The following CCDC126 variants were observed in gnomAD, a reference collection of about 807,000 sequenced individuals.
CCDC126 encodes the protein coiled-coil domain-containing protein 126.
CCDC126 carries 5 observed loss-of-function variants against 11.7 expected under a neutral mutation model. That is an observed-to-expected ratio of 0.43 (90% CI 0.22 to 0.90). The LOEUF is 0.90. Ranked by LOEUF, CCDC126 falls within the 40% of genes least tolerant of loss-of-function variation. CCDC126 has a pLI of 0.27. For missense variants in CCDC126, 150 were observed against 163.1 expected (o/e 0.92, Z 0.44); for synonymous variants, 60 against 61.9 (o/e 0.97, Z 0.14).
intron 3 of CCDC126, chr7:23,622,968 C>CTT (rs1228157804): frequency 0.05 from 4,573 of 91,652 alleles, 280 homozygotes; most frequent in African/African-American, 0.072. Context: ...TATGCTCACT[C>CTT]TTTTTTTTTT....
Position 23,613,401 on chromosome 7 carries a change from A to T in CCDC126, c.238+1848A>T, listed in dbSNP as rs563368381. The stretch of plus-strand genomic sequence containing the variant: ...AAAAAGGGCAGTTTTTTCTACTCCC[A>T]AAAGTCCTCAAATTTCCTGTTCTTT... On this transcript the variant is annotated intron_variant, in intron 3 of 3. Transcript: ENST00000307471. 8.5e-5 allele frequency among the ~76,000 whole-genome samples: 13 copies of T among 152,256 alleles called. No homozygotes were observed. In the South Asian group the frequency reaches 2.7e-3, roughly 32 times the overall value.
rs1001303273 is a variant in CCDC126 at position 23,644,404 on chromosome 7, A to G, written c.*1289A>G. On this transcript the variant is annotated 3_prime_UTR_variant, in exon 4 of 4. Transcript: ENST00000307471. ...CTATAGTAACTGCTTAAGTGCAGCT[A>G]GCTTCTAGATTTAGACTATATAGAA... The G allele has an allele frequency of 6.6e-6, 1 of 152,556 alleles. No homozygotes were observed. Among genetic ancestry groups the G allele is most frequent in the African/African-American group, 2.4e-5 (1 of 41,456 alleles). 9.5% of individuals were successfully genotyped at this position (152,556 alleles called of 1,614,324 possible). A position where few individuals can be genotyped will look rare whatever the true frequency, so the allele number is the denominator to read the frequency against.
At chr7:23,634,713 G>C (rs1357147880) in intron 3 of CCDC126, among the ~76,000 whole-genome samples, 2 of 152,184 alleles carry the variant, frequency 1.3e-5, no homozygotes, top group African/African-American at 4.8e-5. Context: ...TGGAAAGTAG[G>C]AGGAAGGGAA....
At chr7:23,604,719 A>G (rs1048843665) in intron 2 of CCDC126, among the ~76,000 whole-genome samples, 6 of 152,144 alleles carry the variant, frequency 3.9e-5, no homozygotes, top group Admixed American at 2.6e-4. Context: ...TGATAGGGCC[A>G]GGTGCGGTGG....
At chr7:23,637,438 T>G (rs1348410571) in intron 3 of CCDC126, among the ~76,000 whole-genome samples, 8 of 55,128 alleles carry the variant, frequency 1.5e-4, no homozygotes, top group Non-Finnish European at 2.3e-4. Flanking sequence ...GGTGGGGGGG[T>G]CAGCCCCCCG....
chr7:23,611,073 A>G (rs1198709141), intron 2 of CCDC126, 98 bp from the exon 3 acceptor site: 4 of 296,318 alleles, frequency 1.3e-5, no homozygotes, highest in South Asian at 6.9e-5. Flanking sequence ...TATATGACAC[A>G]GTTCCAAATA....
At chr7:23,604,155 T>C (rs1453266905) in intron 2 of CCDC126, 1 of 152,192 alleles carries the variant, frequency 6.6e-6, no homozygotes, top group African/African-American at 2.4e-5. Flanking sequence ...TAGGTAATGC[T>C]CCAGTGACTT....
intron 3 of CCDC126, among the ~76,000 whole-genome samples, chr7:23,632,411 T>G (rs1033932241): frequency 6.6e-6 from 1 of 152,224 alleles, no homozygotes; most frequent in Admixed American, 6.5e-5. Flanking sequence ...GTGGCATTTA[T>G]TCCAAAGATG....
At chr7:23,635,070 C>T (rs148437209) in intron 3 of CCDC126, among the ~76,000 whole-genome samples, 158 of 152,138 alleles carry the variant, frequency 1.0e-3, no homozygotes, top group African/African-American at 3.6e-3. Flanking sequence ...GATTCTTTTC[C>T]CTTCTTAAAC....
At chr7:23,620,140 C>A (rs1209159202) in intron 3 of CCDC126, among the ~76,000 whole-genome samples, 2 of 152,154 alleles carry the variant, frequency 1.3e-5, no homozygotes, top group African/African-American at 4.8e-5. Context: ...AGTTCTAGAT[C>A]CCTGAGGAAT....
In CCDC126 at chr7:23,597,424, A is replaced by G. The variant is rs1406289386; in HGVS notation, c.-412A>G. On this transcript the variant is annotated 5_prime_UTR_variant, in exon 1 of 4. Coordinates refer to ENST00000307471, the MANE Select transcript of CCDC126 (RefSeq NM_138771.4). ...GAGTGCGAGGGACGAGCGGAGTAAAATCTCCACAAGCTGGGAACAAACCTC... is the reference window on the plus strand; with the variant it reads ...GAGTGCGAGGGACGAGCGGAGTAAAGTCTCCACAAGCTGGGAACAAACCTC... 6.6e-6 allele frequency: 1 copy of G among 152,354 alleles called. No homozygotes were observed. Among genetic ancestry groups the G allele is most frequent in the East Asian group, 1.9e-4 (1 of 5,164 alleles). The allele number at this position is 152,354 out of a possible 1,614,324, so 9.4% of individuals were successfully genotyped here.
At chr7:23,621,075 T>G (rs1235759147) in intron 3 of CCDC126, among the ~76,000 whole-genome samples, 1 of 152,220 alleles carries the variant, frequency 6.6e-6, no homozygotes, top group Non-Finnish European at 1.5e-5. Context: ...CTTTTTTGGT[T>G]CCATATGAAC....
chr7:23,625,196 T>G (rs1267073821), intron 3 of CCDC126, among the ~76,000 whole-genome samples: 1 of 152,208 alleles, frequency 6.6e-6, no homozygotes, highest in Non-Finnish European at 1.5e-5. Flanking sequence ...GATCAATAAT[T>G]TGGTGCTGAA....
Position 23,636,520 on chromosome 7 carries a change from C to G in CCDC126, c.239-6411C>G, listed in dbSNP as rs1331680235. On this transcript the variant is annotated intron_variant, in intron 3 of 3. Coordinates refer to ENST00000307471, the MANE Select transcript of CCDC126 (RefSeq NM_138771.4). ...GAGCACCTCTGCCCCGCCGCCCTGT[C>G]TGGGATGTGAGGAGCGCCTCTGCTG... Among the ~76,000 whole-genome samples, 18 of 140,924 alleles carry G rather than the reference C, an allele frequency of 1.3e-4. No individual in the cohort carries two copies. In the South Asian group the frequency reaches 3.9e-3, roughly 31 times the overall value. The allele number at this position is 140,924 out of a possible 152,430, so 92.5% of individuals were successfully genotyped here. A position where few individuals can be genotyped will look rare whatever the true frequency, so the allele number is the denominator to read the frequency against.
chr7:23,608,202 C>G (rs1412650062), intron 2 of CCDC126, among the ~76,000 whole-genome samples: 2 of 152,182 alleles, frequency 1.3e-5, no homozygotes, highest in African/African-American at 4.8e-5. Context: ...AAAACCCTTA[C>G]TGTGCATCCT....
At chr7:23,616,751 A>G (rs896999244) in intron 3 of CCDC126, among the ~76,000 whole-genome samples, 1 of 152,126 alleles carries the variant, frequency 6.6e-6, no homozygotes, top group Non-Finnish European at 1.5e-5. Flanking sequence ...TTTCTCAGTG[A>G]TGTGACTGGG....
intron 1 of CCDC126, 57 bp downstream of exon 1, chr7:23,597,662 G>A (rs920491282): frequency 1.3e-5 from 2 of 152,606 alleles, no homozygotes; most frequent in Non-Finnish European, 2.9e-5. Flanking sequence ...GCGCCCCTCA[G>A]CCTAGCCGGC....
intron 3 of CCDC126, among the ~76,000 whole-genome samples, chr7:23,623,826 A>G (rs1782968818): frequency 6.6e-6 from 1 of 152,182 alleles, no homozygotes; most frequent in Non-Finnish European, 1.5e-5. Flanking sequence ...TTATGACATC[A>G]CTTCGTAACC....
intron 3 of CCDC126, among the ~76,000 whole-genome samples, chr7:23,633,719 G>T (rs577074623): frequency 6.6e-6 from 1 of 152,270 alleles, no homozygotes; most frequent in Admixed American, 6.5e-5. Flanking sequence ...GCTGAGTGTG[G>T]TGGTGGGCAC....
Sources: allele counts gnomAD v4.1 joint callset (sites outside exome capture counted in the v4.1 genomes callset), GRCh38; gene constraint gnomAD v4.1.1; transcripts MANE v1.5; gene names NCBI Gene and HGNC (gene_info 2026-07-23, HGNC 2026-07-21).